The following UBE2W variants were observed in gnomAD, a reference collection of about 807,000 sequenced individuals.
UBE2W encodes the protein ubiquitin-conjugating enzyme E2 W.
Under a neutral mutation model 27.2 loss-of-function variants are expected in UBE2W, and 18 were observed. That is an observed-to-expected ratio of 0.66 (90% CI 0.46 to 0.98). UBE2W has a LOEUF of 0.98. Ranked by LOEUF, UBE2W falls within the 50% of genes least tolerant of loss-of-function variation. The pLI is 0.00. For missense variants in UBE2W, 90 were observed against 180.2 expected (o/e 0.50, Z 2.87); for synonymous variants, 53 against 57.2 (o/e 0.93, Z 0.33).
Position 73,812,706 on chromosome 8 carries a change from T to C in UBE2W, c.211-2077A>G, listed in dbSNP as rs186443478. Among the ~76,000 whole-genome samples the C allele has an allele frequency of 1.1e-3, 163 of 152,234 alleles. 1 individual carries two copies. Among genetic ancestry groups the C allele is most frequent in the African/African-American group, 3.4e-3 (140 of 41,548 alleles). On this transcript the variant is annotated intron_variant, in intron 3 of 5. Coordinates refer to ENST00000602593, the MANE Select transcript of UBE2W (RefSeq NM_018299.6). ...CAAGAGTTTCTTCTTTGGCCACAAT[T>C]ATTTTTTTAAAAGATATTTTTCGGT...
chr8:73,842,832 T>TA (rs778333011), intron 1 of UBE2W, among the ~76,000 whole-genome samples: 19 of 152,070 alleles, frequency 1.2e-4, no homozygotes, highest in Non-Finnish European at 2.5e-4. Flanking sequence ...TTTGTATAAT[T>TA]AAAAAATAAC....
At chr8:73,815,733 A>G (rs923559102) in intron 3 of UBE2W, among the ~76,000 whole-genome samples, 1 of 152,228 alleles carries the variant, frequency 6.6e-6, no homozygotes, top group Non-Finnish European at 1.5e-5. Flanking sequence ...ACATGGTGTC[A>G]AGCTAGGTCA....
At position 73,833,184 on chromosome 8, in the gene UBE2W, C is replaced by CAAAAAA. The variant is rs1202478660; in HGVS notation, c.16-2718_16-2713dup. 1.3e-3 allele frequency among the ~76,000 whole-genome samples: 41 copies of CAAAAAA among 31,360 alleles called. 3 individuals carry two copies. The highest frequency in any genetic ancestry group is 4.8e-3 in the African/African-American group (39 of 8,208). 20.6% of individuals were successfully genotyped at this position (31,360 alleles called of 152,430 possible). On this transcript the variant is annotated intron_variant, in intron 1 of 5. Coordinates refer to ENST00000602593, the MANE Select transcript of UBE2W (RefSeq NM_018299.6). ...TGGGCGACAGAGTGAGACTCCACCT[C>CAAAAAA]AAAAAAAAAAAAAAAAAAAAAAAAG... is the stretch of plus-strand genomic sequence containing the variant.
intron 1 of UBE2W, among the ~76,000 whole-genome samples, chr8:73,875,274 C>T (rs1446523019): frequency 2.0e-5 from 3 of 152,160 alleles, no homozygotes; most frequent in Non-Finnish European, 4.4e-5. Flanking sequence ...GAATATTGAT[C>T]TCCCATCCCG....
chr8:73,796,677 C>G, intron 5 of UBE2W: 2 of 984,370 alleles, frequency 2.0e-6, no homozygotes, highest in Non-Finnish European at 2.4e-6. Context: ...TGCGGGACTA[C>G]GAATCCATGA....
intron 1 of UBE2W, among the ~76,000 whole-genome samples, chr8:73,873,446 C>G (rs572582805): frequency 1.3e-5 from 2 of 152,154 alleles, no homozygotes; most frequent in East Asian, 3.9e-4. Flanking sequence ...ATGGCTGAGT[C>G]CTGGAGTTCA....
At chr8:73,794,832 G>A (rs1299545673) in intron 5 of UBE2W, among the ~76,000 whole-genome samples, 1 of 145,984 alleles carries the variant, frequency 6.9e-6, no homozygotes, top group Non-Finnish European at 1.5e-5. Context: ...CAACCTGAGA[G>A]GCAGAGGGAG....
At chr8:73,829,139 G>A (rs1026794119) in intron 2 of UBE2W, among the ~76,000 whole-genome samples, 2 of 151,874 alleles carry the variant, frequency 1.3e-5, no homozygotes, top group African/African-American at 4.8e-5. Flanking sequence ...TATAATTTGT[G>A]GTATAACTAC....
rs572584418 is a variant in UBE2W at position 73,823,340 on chromosome 8, GA to G, written c.210+1806del. ...TTAAATATTAAGGAAAGAGTTTAGAGAACACATTTTTGACTTGGTTTCATGC... is the reference window on the plus strand; with the variant it reads ...TTAAATATTAAGGAAAGAGTTTAGAGACACATTTTTGACTTGGTTTCATGC... On this transcript the variant is annotated intron_variant, in intron 3 of 5. Coordinates refer to ENST00000602593, the MANE Select transcript of UBE2W (RefSeq NM_018299.6). 8.5e-5 allele frequency among the ~76,000 whole-genome samples: 13 copies of G among 152,324 alleles called. No individual in the cohort carries two copies. In the South Asian group the frequency reaches 2.7e-3, roughly 32 times the overall value.
intron 3 of UBE2W, among the ~76,000 whole-genome samples, chr8:73,818,258 T>G (rs766715926): frequency 2.6e-5 from 4 of 152,220 alleles, no homozygotes; most frequent in Non-Finnish European, 5.9e-5. Flanking sequence ...TAGCAAATCC[T>G]GTTGATTTCA....
At chr8:73,866,381 A>G (rs1389073299) in intron 1 of UBE2W, among the ~76,000 whole-genome samples, 1 of 146,538 alleles carries the variant, frequency 6.8e-6, no homozygotes, top group Non-Finnish European at 1.5e-5. Flanking sequence ...ATAAATTCTT[A>G]TCTGAGGAAC....
At chr8:73,872,796 T>G (rs573228676) in intron 1 of UBE2W, among the ~76,000 whole-genome samples, 4 of 152,340 alleles carry the variant, frequency 2.6e-5, no homozygotes, top group African/African-American at 7.2e-5. Context: ...CAAGGTTACT[T>G]TATGTATCAT....
At chr8:73,830,241 C>A (rs1012795129) in intron 2 of UBE2W, 140 bp downstream of exon 2, 5 of 561,044 alleles carry the variant, frequency 8.9e-6, no homozygotes, top group Non-Finnish European at 1.6e-5. Context: ...TATAAATGCA[C>A]AGAATAAGAT....
At chr8:73,837,685 C>T (rs1308378471) in intron 1 of UBE2W, among the ~76,000 whole-genome samples, 2 of 152,150 alleles carry the variant, frequency 1.3e-5, no homozygotes, top group Non-Finnish European at 2.9e-5. Flanking sequence ...AGTGATCCTC[C>T]CACCCCAGCC....
chr8:73,794,008 T>G lies in UBE2W; in HGVS notation c.*94A>C. 6.3e-7 allele frequency: 1 copy of G among 1,584,730 alleles called. No individual in the cohort carries two copies. The highest frequency in any genetic ancestry group is 8.6e-7 in the Non-Finnish European group (1 of 1,166,704). ...GTAGTCTTCATTGCCTATAGGTCAC[T>G]TCCAGTCAAAGGTTAAAGTTCAAAG... On this transcript the variant is annotated 3_prime_UTR_variant, in exon 6 of 6. Transcript: ENST00000602593.
chr8:73,840,519 C>T (rs1003755810), intron 1 of UBE2W, among the ~76,000 whole-genome samples: 2 of 152,156 alleles, frequency 1.3e-5, no homozygotes, highest in Non-Finnish European at 1.5e-5. Context: ...TTCTGAGATG[C>T]TAATAATGGC....
chr8:73,785,374 C>T (rs1224318332), downstream of UBE2W, among the ~76,000 whole-genome samples: 2 of 152,056 alleles, frequency 1.3e-5, no homozygotes, highest in Non-Finnish European at 2.9e-5. Flanking sequence ...GACCTCCTGG[C>T]CTCACTGATC....
chr8:73,844,279 C>A (rs930552119), intron 1 of UBE2W, among the ~76,000 whole-genome samples: 5 of 152,050 alleles, frequency 3.3e-5, no homozygotes, highest in African/African-American at 1.2e-4. Context: ...CTGCCAGTGC[C>A]TGGGATTGCA....
chr8:73,846,384 G>A (rs761666218), intron 1 of UBE2W, among the ~76,000 whole-genome samples: 8 of 152,026 alleles, frequency 5.3e-5, no homozygotes, highest in South Asian at 2.1e-4. Flanking sequence ...CAACAAGAGC[G>A]AAACTCCATC....
Sources: allele counts gnomAD v4.1 joint callset (sites outside exome capture counted in the v4.1 genomes callset), GRCh38; gene constraint gnomAD v4.1.1; transcripts MANE v1.5; gene names NCBI Gene and HGNC (gene_info 2026-07-23, HGNC 2026-07-21).